Variants in KCNC2 observed in about 807,000 individuals in gnomAD.
KCNC2 encodes potassium voltage-gated channel subfamily C member 2.
KCNC2 carries 21 observed loss-of-function variants against 44.5 expected under a neutral mutation model. That is an observed-to-expected ratio of 0.47 (90% CI 0.33 to 0.68). KCNC2 has a LOEUF of 0.68. Among genes scored for constraint, KCNC2 ranks in the 30% least tolerant of loss-of-function variants. The pLI, the probability that KCNC2 is intolerant of heterozygous loss-of-function variation, is 0.01. For synonymous variants in KCNC2, 391 were observed against 339.1 expected (o/e 1.15, Z -1.68); for missense variants, 589 against 826.2 (o/e 0.71, Z 3.52).
At chr12:75,121,498 T>C (rs985308741) in intron 2 of KCNC2, among the ~76,000 whole-genome samples, 1 of 152,088 alleles carries the variant, frequency 6.6e-6, no homozygotes, top group Non-Finnish European at 1.5e-5. Flanking sequence ...AAAATAAATA[T>C]AGGGGTGGGA....
At chr12:75,139,453 T>C (rs1019725699) in intron 2 of KCNC2, among the ~76,000 whole-genome samples, 1 of 152,224 alleles carries the variant, frequency 6.6e-6, no homozygotes, top group Admixed American at 6.5e-5. Context: ...GCAACCAGCA[T>C]GAAGAATGCA....
intron 2 of KCNC2, among the ~76,000 whole-genome samples, chr12:75,125,674 T>C (rs1888368339): frequency 6.6e-6 from 1 of 152,228 alleles, no homozygotes; most frequent in Admixed American, 6.5e-5. Context: ...GCTAGCACTA[T>C]TAGAATTTGT....
At chr12:75,197,674 G>C (rs1156852837) in intron 2 of KCNC2, among the ~76,000 whole-genome samples, 1 of 152,006 alleles carries the variant, frequency 6.6e-6, no homozygotes, top group African/African-American at 2.4e-5. Context: ...AGATTCAAAA[G>C]CATTAGAAAC....
At chr12:75,173,511 A>C (rs1291091762) in intron 2 of KCNC2, among the ~76,000 whole-genome samples, 1 of 151,834 alleles carries the variant, frequency 6.6e-6, no homozygotes, top group Non-Finnish European at 1.5e-5. Context: ...AGTGGGTATA[A>C]AGAATATTAT....
At position 75,207,841 on chromosome 12, in the gene KCNC2, G is replaced by C. The variant is rs1382216045; in HGVS notation, c.143C>G (p.Thr48Ser). 19 of 1,610,892 alleles carry C rather than the reference G, an allele frequency of 1.2e-5. No homozygotes were observed. Among genetic ancestry groups the C allele is most frequent in the Non-Finnish European group, 1.0e-5 (12 of 1,179,524 alleles). ...ASSEPPGDCL[T>S]TAGDKLQPSP... ...CGGCTGCAGCTTGTCGCCCGCCGTG[G>C]TCAAGCAGTCGCCTGGGGGCTCGGA... The change falls in exon 2 of 5, where the codon ACC (threonine) becomes AGC (serine). Residue 48 changes from threonine (T) to serine (S), a missense_variant. Physicochemically the swap from Thr to Ser is moderately conservative, Grantham distance 58 (BLOSUM62 1). Transcript: ENST00000549446. The surrounding 1 kb of genome is among the most constrained non-coding windows in gnomAD (Gnocchi z 4.1).
chr12:75,130,544 C>T (rs1888762970), intron 2 of KCNC2, among the ~76,000 whole-genome samples: 1 of 151,998 alleles, frequency 6.6e-6, no homozygotes, highest in Non-Finnish European at 1.5e-5. Context: ...ATGAATAAAA[C>T]CTAAATCATG....
At chr12:75,084,254 T>C (rs1415847789) in intron 2 of KCNC2, among the ~76,000 whole-genome samples, 3 of 138,346 alleles carry the variant, frequency 2.2e-5, no homozygotes, top group African/African-American at 8.2e-5. Flanking sequence ...TAGATGATGA[T>C]GATAGATAGA....
rs138076604 is a variant in KCNC2, at chr12:75,052,038, T to G, written c.688-721A>C. Among the ~76,000 whole-genome samples the G allele has an allele frequency of 1.3e-3, 192 of 151,638 alleles. 1 individual carries two copies. The highest frequency in any genetic ancestry group is 4.4e-3 in the African/African-American group (180 of 41,346). On this transcript the variant is annotated intron_variant, in intron 2 of 4. Transcript: ENST00000549446. ...GTAACATACTATAAAGCTGAAAGAG[T>G]TTTCTTAAATTCAATTCATTTCTTC...
At position 75,048,239 on chromosome 12, in the gene KCNC2, G is replaced by C. The variant is rs1305460387; in HGVS notation, c.1694C>G (p.Thr565Ser). 6.2e-7 allele frequency: 1 copy of C among 1,612,874 alleles called. No homozygotes were observed. The highest frequency in any genetic ancestry group is 1.3e-5 in the African/African-American group (1 of 74,760). The change falls in exon 4 of 5, where the codon ACC becomes AGC. Residue 565 changes from threonine to serine, a missense_variant. Thr to Ser is a moderately conservative substitution (Grantham distance 58). Transcript: ENST00000549446. ...PERLPIRRSS[T>S]RDKNRRGETC... ...TTCCCCTCTTCTGTTTTTGTCTCTG[G>C]TACTAGAGCGTCTGATGGGGAGCCT...
intron 2 of KCNC2, among the ~76,000 whole-genome samples, chr12:75,062,281 G>A (rs6582274): frequency 0.88 from 134,203 of 152,052 alleles, 59,387 homozygotes; most frequent in Admixed American, 0.91. Flanking sequence ...GAAAAGAAAA[G>A]CTAGACTGAT....
intron 2 of KCNC2, among the ~76,000 whole-genome samples, chr12:75,186,516 TA>T (rs5799214): frequency 0.073 from 11,160 of 152,152 alleles, 1,390 homozygotes; most frequent in African/African-American, 0.26. Flanking sequence ...CCTTCTGTTG[TA>T]AAAAAAGGTT....
At chr12:75,075,498 T>A (rs1240360775) in intron 2 of KCNC2, among the ~76,000 whole-genome samples, 2 of 147,050 alleles carry the variant, frequency 1.4e-5, no homozygotes, top group East Asian at 3.9e-4. Flanking sequence ...TATATATATA[T>A]AAATAACATT....
intron 4 of KCNC2, among the ~76,000 whole-genome samples, chr12:75,046,935 G>T (rs1401083793): frequency 6.6e-6 from 1 of 151,708 alleles, no homozygotes; most frequent in Non-Finnish European, 1.5e-5. Flanking sequence ...TACAACATGG[G>T]CAATAAAATA....
At chr12:75,131,786 C>T (rs1321830978) in intron 2 of KCNC2, among the ~76,000 whole-genome samples, 1 of 152,052 alleles carries the variant, frequency 6.6e-6, no homozygotes, top group Non-Finnish European at 1.5e-5. Context: ...TGAATTCATC[C>T]AACATCTGAA....
chr12:75,201,613 T>TCTTTTTCCACATAATATCCAGTCCTG (rs1223751122), intron 2 of KCNC2, among the ~76,000 whole-genome samples: 9 of 151,806 alleles, frequency 5.9e-5, no homozygotes, highest in Non-Finnish European at 1.3e-4. Context: ...ATTTTTCAAT[T>TCTTTTTCCACATAATATCCAGTCCTG]CTTTTTCCAC....
chr12:75,169,633 A>G (rs1311931239), intron 2 of KCNC2, among the ~76,000 whole-genome samples: 3 of 151,816 alleles, frequency 2.0e-5, no homozygotes, highest in Non-Finnish European at 4.4e-5. Context: ...TAAATTTTAA[A>G]AACCTATTTC....
intron 2 of KCNC2, among the ~76,000 whole-genome samples, chr12:75,168,874 A>G (rs1891630196): frequency 6.6e-6 from 1 of 151,494 alleles, no homozygotes; most frequent in South Asian, 2.1e-4. Context: ...ATTTACTTGA[A>G]CTTTAAAGAC....
rs146134869 is a variant in KCNC2, at chr12:75,185,489, G to T, written c.687+21808C>A. ...GTTTCCTTATTAAATATTGAGTTTTGCCCACTCTCTGTTTCTTATCCTCTT... is the reference window on the plus strand; with the variant it reads ...GTTTCCTTATTAAATATTGAGTTTTTCCCACTCTCTGTTTCTTATCCTCTT... On this transcript the variant is annotated intron_variant, in intron 2 of 4. Transcript: ENST00000549446. Among the ~76,000 whole-genome samples, 565 of 151,724 alleles carry T rather than the reference G, an allele frequency of 3.7e-3. 1 individual carries two copies. Among genetic ancestry groups the T allele is most frequent in the African/African-American group, 0.013 (529 of 41,378 alleles).
chr12:75,181,202 GA>G (rs1374503026), intron 2 of KCNC2, among the ~76,000 whole-genome samples: 1 of 152,028 alleles, frequency 6.6e-6, no homozygotes, highest in African/African-American at 2.4e-5. Flanking sequence ...GTACAAGGTT[GA>G]GAACTTCGTT....
Sources: allele counts gnomAD v4.1 joint callset (sites outside exome capture counted in the v4.1 genomes callset), GRCh38; gene constraint gnomAD v4.1.1; non-coding constraint Gnocchi (gnomAD v3.1); transcripts MANE v1.5; gene names NCBI Gene and HGNC (gene_info 2026-07-23, HGNC 2026-07-21).